The following DNAH12 variants were observed in gnomAD, a reference collection of about 807,000 sequenced individuals.
DNAH12 encodes the protein axonemal beta dynein heavy chain 12.
Under a neutral mutation model 371.5 loss-of-function variants are expected in DNAH12, and 285 were observed. The ratio of observed to expected loss-of-function variants is 0.77; its 90% CI spans 0.70 to 0.85. The LOEUF (loss-of-function observed/expected upper bound fraction) is 0.85. DNAH12 is among the 40% of genes least tolerant of loss of function. The probability of loss-of-function intolerance (pLI) is 0.00; values close to 1 mark genes in which losing one functional copy is unlikely to be tolerated. For synonymous variants in DNAH12, 1,200 were observed against 1,213.0 expected, an observed-to-expected ratio of 0.99 and a Z score of 0.22; for missense variants, 3,611 against 3,689.4, an observed-to-expected ratio of 0.98 and a Z score of 0.55.
chr3:57,547,322 T>TA (rs35445077), upstream of DNAH12, among the ~76,000 whole-genome samples: 3 of 151,650 alleles, frequency 2.0e-5, no homozygotes, highest in Non-Finnish European at 2.9e-5. Flanking sequence ...TTTTTTACTT[T>TA]AAAAAAAAAT....
At chr3:57,509,601 C>A (rs976163241) in intron 5 of DNAH12, among the ~76,000 whole-genome samples, 5 of 151,952 alleles carry the variant, frequency 3.3e-5, no homozygotes, top group African/African-American at 1.2e-4. Context: ...GTGGCTCATG[C>A]CTGTAATTCC....
In DNAH12 at chr3:57,446,626, C is replaced by T. The variant is rs1346684539; in HGVS notation, c.3850G>A (p.Glu1284Lys). The T allele has an allele frequency of 2.6e-6, 4 of 1,550,042 alleles. No individual in the cohort carries two copies. The African/African-American group carries it at 4.1e-5, about 16-fold the overall frequency. The change falls in exon 26 of 74, where the codon GAA becomes AAA. Residue 1284 changes from glutamate to lysine, a missense_variant. By Grantham distance (56) the Glu-to-Lys change is moderately conservative (BLOSUM62 1). Coordinates refer to ENST00000495027, the MANE Select transcript of DNAH12 (RefSeq NM_001366028.2). ...PEGPAGTGKT[E>K]TTKDLAKALA... is the part of the protein sequence containing the mutation. ...GCTTTAGCCAAGTCCTTGGTGGTTTCGGTTTTTCCTGTGCCTGCTGGCCCC... is the reference window on the plus strand; with the variant it reads ...GCTTTAGCCAAGTCCTTGGTGGTTTTGGTTTTTCCTGTGCCTGCTGGCCCC...
chr3:57,401,580 A>AAG (rs1426000526), intron 43 of DNAH12, among the ~76,000 whole-genome samples: 53 of 129,804 alleles, frequency 4.1e-4, no homozygotes, highest in South Asian at 4.8e-4. Context: ...AAAAAAAAAA[A>AAG]AAGAAGAAGA....
intron 13 of DNAH12, among the ~76,000 whole-genome samples, chr3:57,473,373 G>C (rs1006722413): frequency 6.6e-6 from 1 of 152,054 alleles, no homozygotes; most frequent in Admixed American, 6.6e-5. Flanking sequence ...TGTAGTCCCA[G>C]CTACTTGGAG....
intron 70 of DNAH12, among the ~76,000 whole-genome samples, chr3:57,300,928 C>T (rs915059140): frequency 6.6e-6 from 1 of 151,880 alleles, no homozygotes. Context: ...GGGGGGAGGG[C>T]AGAGGGGGCA....
intron 55 of DNAH12, among the ~76,000 whole-genome samples, chr3:57,374,683 A>T (rs1044656556): frequency 1.8e-4 from 28 of 152,164 alleles, no homozygotes; most frequent in Non-Finnish European, 3.8e-4. Context: ...ATAAACAGTG[A>T]TATATTCATA....
At position 57,405,056 on chromosome 3, in the gene DNAH12, T is replaced by C. The variant is rs1553680577; in HGVS notation, c.6668A>G (p.Asn2223Ser). Residue 2223 changes from asparagine (N) to serine (S), a missense_variant, in exon 42 of 74, where the codon AAT becomes AGT. Asn to Ser is a conservative substitution (Grantham distance 46). This residue lies in a region of DNAH12 where 2,266 missense variants were observed against 2,236.9 expected (regional missense o/e 1.01). Coordinates refer to ENST00000495027, the MANE Select transcript of DNAH12 (RefSeq NM_001366028.2). ...GDDRVYIEIP[N>S]IHHFSDVVDQ... Reference sequence around the variant, plus strand: ...CACAACATCACTAAAATGATGAATATTTGGAATTTCAATATAAACTCTATC... The same window carrying C: ...CACAACATCACTAAAATGATGAATACTTGGAATTTCAATATAAACTCTATC... 1.9e-6 allele frequency: 3 copies of C among 1,546,884 alleles called. No individual in the cohort carries two copies. In the East Asian group the frequency reaches 7.4e-5, roughly 38 times the overall value.
At chr3:57,310,245 C>G (rs2061558072) in intron 67 of DNAH12, among the ~76,000 whole-genome samples, 1 of 152,224 alleles carries the variant, frequency 6.6e-6, no homozygotes, top group African/African-American at 2.4e-5. Flanking sequence ...TCTAAACCCC[C>G]TTTCCTTTAT....
chr3:57,405,867 A>G lies in DNAH12; in HGVS notation c.6362T>C (p.Ile2121Thr). 2 of 1,551,542 alleles carry G rather than the reference A, an allele frequency of 1.3e-6. No individual in the cohort carries two copies. The change falls in exon 41 of 74, where the codon ATC becomes ACC. Residue 2121 changes from isoleucine to threonine, a missense_variant. Physicochemically the swap from Ile to Thr is moderately conservative, Grantham distance 89 (BLOSUM62 -1). Transcript: ENST00000495027. ...TCTTTCAATGAGTAAACAGCCCCGG[A>G]TGACGCGTGAAAAATCACGCAAGTT... is the stretch of plus-strand genomic sequence containing the variant. ...TFNLRDFSRV[I>T]RGCLLIERDA...
At chr3:57,525,064 A>G (rs1310905004) in intron 2 of DNAH12, among the ~76,000 whole-genome samples, 1 of 151,992 alleles carries the variant, frequency 6.6e-6, no homozygotes, top group Non-Finnish European at 1.5e-5. Flanking sequence ...GAATTCAGAA[A>G]AAATTGTAGG....
chr3:57,385,135 G>A (rs1430032311), intron 48 of DNAH12, 130 bp from the exon 49 acceptor site: 2 of 151,776 alleles, frequency 1.3e-5, no homozygotes, highest in African/African-American at 2.4e-5. Flanking sequence ...ATAATAAAAT[G>A]AGGATATACA....
intron 69 of DNAH12, 113 bp downstream of exon 69, chr3:57,309,038 C>T: frequency 2.8e-6 from 2 of 727,264 alleles, no homozygotes; most frequent in Non-Finnish European, 4.3e-6. Flanking sequence ...CCCATTCTCT[C>T]TTCATACCAC....
In DNAH12 at chr3:57,334,504, TA is replaced by T; in HGVS notation, c.9938del (p.Leu3313HisfsTer4). ...PAPMDKNLNE[L>X]QKIIILRCLR... is the part of the protein sequence containing the mutation. ...AACACCGAAGAATTATTATTTTCTG[TA>T]GTTCATTTAGGTTCTTATCCATTGG... On this transcript the variant is annotated frameshift_variant, in exon 62 of 74. Transcript: ENST00000495027. LOFTEE classifies it high-confidence loss of function. 1 of 1,550,752 alleles carries T rather than the reference TA, an allele frequency of 6.4e-7. No homozygotes were observed. Among genetic ancestry groups the T allele is most frequent in the Non-Finnish European group, 8.7e-7 (1 of 1,146,838 alleles).
chr3:57,530,843 G>C, intron 2 of DNAH12: 1 of 168,034 alleles, frequency 6.0e-6, no homozygotes, highest in Non-Finnish European at 1.3e-5. Context: ...AGACTGTGTG[G>C]ACGCAGCGGG....
intron 69 of DNAH12, among the ~76,000 whole-genome samples, chr3:57,302,703 G>A (rs2061386624): frequency 1.4e-5 from 2 of 145,658 alleles, no homozygotes; most frequent in African/African-American, 5.1e-5. Flanking sequence ...AGCCTCCTGC[G>A]TAACTGAGAT....
rs1025267592 is a variant in DNAH12 at position 57,371,642 on chromosome 3, C to G, written c.8760-3382G>C. On this transcript the variant is annotated intron_variant, in intron 55 of 73. Coordinates refer to ENST00000495027, the MANE Select transcript of DNAH12 (RefSeq NM_001366028.2). ...CACTACTACACTCCAGCCTAGGTGA[C>G]AAACTGAGACCCCCATCTCAAAACA... Among the ~76,000 whole-genome samples, 7 of 146,634 alleles carry G rather than the reference C, an allele frequency of 4.8e-5. 1 individual carries two copies. The highest frequency in any genetic ancestry group is 1.8e-4 in the African/African-American group (7 of 38,848).
chr3:57,461,508 G>T lies in DNAH12; in HGVS notation c.2717C>A (p.Pro906Gln), dbSNP rs776378999. Reference sequence around the variant, plus strand: ...ACATACCTTGATCTCATGTTCAAATGGTTTGATGAAAGGTGAGCCTCTCAT... The same window carrying T: ...ACATACCTTGATCTCATGTTCAAATTGTTTGATGAAAGGTGAGCCTCTCAT... ...QTMRGSPFIKPFEHEIKAWED... is the reference protein window; with the variant it reads ...QTMRGSPFIKQFEHEIKAWED... Residue 906 changes from proline to glutamine, a missense_variant, in exon 19 of 74, where the codon CCA becomes CAA. This residue lies in a region of DNAH12 where 1,314 missense variants were observed against 1,398.7 expected (regional missense o/e 0.94). Transcript: ENST00000495027. 13 of 1,551,120 alleles carry T rather than the reference G, an allele frequency of 8.4e-6. No homozygotes were observed. The highest frequency in any genetic ancestry group is 1.1e-5 in the Non-Finnish European group (13 of 1,146,806).
At chr3:57,454,943 A>C in intron 22 of DNAH12, 49 bp from the exon 23 acceptor site, 1 of 1,526,208 alleles carries the variant, frequency 6.6e-7, no homozygotes, top group African/African-American at 1.4e-5. Context: ...AATGAGAAAA[A>C]ATAGCTAAAT....
At chr3:57,324,255 T>C (rs1303061827) in intron 62 of DNAH12, among the ~76,000 whole-genome samples, 1 of 152,150 alleles carries the variant, frequency 6.6e-6, no homozygotes, top group African/African-American at 2.4e-5. Flanking sequence ...TAACTTCTAT[T>C]TGATTTAAGC....
Sources: allele counts gnomAD v4.1 joint callset (sites outside exome capture counted in the v4.1 genomes callset), GRCh38; gene constraint gnomAD v4.1.1; regional missense constraint gnomAD v4.1.1; transcripts MANE v1.5; gene names NCBI Gene and HGNC (gene_info 2026-07-23, HGNC 2026-07-21).